The following ULK4 variants were observed in gnomAD, a reference collection of about 807,000 sequenced individuals.
ULK4 encodes the protein unc-51 like kinase 4.
ULK4 carries 133 observed loss-of-function variants against 160.6 expected under a neutral mutation model. That is an observed-to-expected ratio of 0.83 (90% CI 0.72 to 0.96). The LOEUF is 0.96. Among genes scored for constraint, ULK4 ranks in the 40% least tolerant of loss-of-function variants. The pLI is 0.00. For missense variants in ULK4, 1,580 were observed against 1,499.5 expected (o/e 1.05, Z -0.89); for synonymous variants, 534 against 539.8 (o/e 0.99, Z 0.15).
intron 35 of ULK4, among the ~76,000 whole-genome samples, chr3:41,261,965 G>A (rs541258390): frequency 3.3e-5 from 5 of 152,328 alleles, no homozygotes; most frequent in African/African-American, 1.2e-4. Flanking sequence ...TCTTCACAGT[G>A]ACCCTATGAG....
At chr3:41,829,585 C>G (rs2041497326) in intron 18 of ULK4, among the ~76,000 whole-genome samples, 1 of 151,996 alleles carries the variant, frequency 6.6e-6, no homozygotes, top group Admixed American at 6.6e-5. Flanking sequence ...CAAATGAAAA[C>G]CACAATGAGA....
At chr3:41,605,624 G>A (rs893512642) in intron 31 of ULK4, among the ~76,000 whole-genome samples, 2 of 151,818 alleles carry the variant, frequency 1.3e-5, no homozygotes, top group Admixed American at 1.3e-4. Context: ...GATCCAAAAG[G>A]GGAAATAGTC....
At chr3:41,696,654 G>A (rs926543884) in intron 27 of ULK4, among the ~76,000 whole-genome samples, 7 of 152,078 alleles carry the variant, frequency 4.6e-5, no homozygotes, top group South Asian at 2.1e-4. Flanking sequence ...AAAACCCACC[G>A]ACCCTGTGGG....
chr3:41,832,258 T>C (rs901247372), intron 18 of ULK4, among the ~76,000 whole-genome samples: 13 of 152,230 alleles, frequency 8.5e-5, no homozygotes, highest in Non-Finnish European at 1.9e-4. Flanking sequence ...CGGTATCTCA[T>C]TGTGGTTTTG....
intron 35 of ULK4, among the ~76,000 whole-genome samples, chr3:41,292,828 C>T (rs2079597315): frequency 6.6e-6 from 1 of 152,096 alleles, no homozygotes; most frequent in South Asian, 2.1e-4. Flanking sequence ...TCTGTAATCC[C>T]AGCTACTCGG....
intron 27 of ULK4, among the ~76,000 whole-genome samples, chr3:41,700,164 T>A (rs1163531364): frequency 3.3e-5 from 5 of 152,086 alleles, no homozygotes; most frequent in Admixed American, 2.6e-4. Flanking sequence ...AGATAAAATA[T>A]AAAGACCCTA....
At chr3:41,408,579 GT>G (rs1303334107) in intron 34 of ULK4, among the ~76,000 whole-genome samples, 1 of 151,974 alleles carries the variant, frequency 6.6e-6, no homozygotes, top group Non-Finnish European at 1.5e-5. Context: ...CAAAATTATA[GT>G]TGTCTTGTTT....
At chr3:41,906,170 TCCCGCCACTGCACTCCAG>T (rs1698548830) in intron 12 of ULK4, among the ~76,000 whole-genome samples, 1 of 122,240 alleles carries the variant, frequency 8.2e-6, no homozygotes, top group Admixed American at 1.1e-4. Flanking sequence ...TGAGCCGAGA[TCCCGCCACTGCACTCCAG>T]CCTGGGCGAC....
intron 34 of ULK4, among the ~76,000 whole-genome samples, chr3:41,426,952 C>T (rs1438374480): frequency 1.3e-5 from 2 of 152,020 alleles, no homozygotes; most frequent in Non-Finnish European, 2.9e-5. Context: ...CACAAAAAAC[C>T]CTTCAAAGAA....
intron 35 of ULK4, among the ~76,000 whole-genome samples, chr3:41,348,079 T>C (rs985570714): frequency 4.0e-5 from 6 of 151,590 alleles, no homozygotes; most frequent in African/African-American, 1.5e-4. Flanking sequence ...TGTGGTGGCA[T>C]GCATCTGTAG....
intron 22 of ULK4, among the ~76,000 whole-genome samples, chr3:41,719,471 C>A (rs1364347421): frequency 1.3e-5 from 2 of 152,176 alleles, no homozygotes; most frequent in Non-Finnish European, 2.9e-5. Context: ...TAAAAATCAT[C>A]ATCTCACCAA....
chr3:41,806,335 C>T, intron 19 of ULK4, among the ~76,000 whole-genome samples: 1 of 152,016 alleles, frequency 6.6e-6, no homozygotes. Flanking sequence ...GTGATATCCC[C>T]TTTATCACTT....
At chr3:41,459,222 ATTTTTTTAT>A (rs1289495320) in intron 33 of ULK4, among the ~76,000 whole-genome samples, 3 of 150,056 alleles carry the variant, frequency 2.0e-5, no homozygotes, top group Admixed American at 6.6e-5. Context: ...CGGCTAATTT[ATTTTTTTAT>A]TTTTTTTATT....
intron 32 of ULK4, among the ~76,000 whole-genome samples, chr3:41,565,132 T>C (rs560227934): frequency 7.9e-5 from 12 of 152,332 alleles, no homozygotes; most frequent in African/African-American, 2.6e-4. Context: ...GGCTACGCCA[T>C]CTAGATTTGT....
chr3:41,466,949 G>C (rs1427614667), intron 32 of ULK4, among the ~76,000 whole-genome samples: 1 of 152,092 alleles, frequency 6.6e-6, no homozygotes, highest in Non-Finnish European at 1.5e-5. Flanking sequence ...TATATGAAAA[G>C]TGTTCAATAT....
chr3:41,911,768 G>C (rs1040634821), intron 9 of ULK4, 109 bp from the exon 10 acceptor site: 2 of 811,310 alleles, frequency 2.5e-6, no homozygotes, highest in African/African-American at 3.4e-5. Flanking sequence ...ATGACATTTA[G>C]CAAAGTTACA....
chr3:41,313,362 AAAGT>A (rs2080086513), intron 35 of ULK4, among the ~76,000 whole-genome samples: 1 of 152,226 alleles, frequency 6.6e-6, no homozygotes, highest in African/African-American at 2.4e-5. Context: ...ATGGCAATAA[AAAGT>A]AATAAATTTA....
intron 31 of ULK4, among the ~76,000 whole-genome samples, chr3:41,583,003 T>C (rs1357171876): frequency 1.3e-5 from 2 of 152,218 alleles, no homozygotes; most frequent in Non-Finnish European, 2.9e-5. Context: ...ATGATATTTA[T>C]GGCTTTCAAG....
chr3:41,621,211 T>C (rs2033231159), intron 30 of ULK4, among the ~76,000 whole-genome samples: 1 of 152,150 alleles, frequency 6.6e-6, no homozygotes, highest in Admixed American at 6.5e-5. Flanking sequence ...ATAGATTCAA[T>C]ATTATTCCTA....
Sources: allele counts gnomAD v4.1 joint callset (sites outside exome capture counted in the v4.1 genomes callset), GRCh38; gene constraint gnomAD v4.1.1; transcripts MANE v1.5; gene names NCBI Gene and HGNC (gene_info 2026-07-23, HGNC 2026-07-21).